Variants in THSD7B observed in about 807,000 individuals in gnomAD.
THSD7B encodes thrombospondin type 1 domain containing 7B.
In THSD7B, 138 loss-of-function variants were observed where a neutral mutation model predicts 213.6. The ratio of observed to expected loss-of-function variants is 0.65; its 90% CI spans 0.56 to 0.74. THSD7B has a LOEUF of 0.74. Ranked by LOEUF, THSD7B falls within the 30% of genes least tolerant of loss-of-function variation. THSD7B has a pLI of 0.00. For missense variants in THSD7B, 1,931 were observed against 1,991.5 expected (o/e 0.97, Z 0.58); for synonymous variants, 742 against 687.0 (o/e 1.08, Z -1.25).
intron 3 of THSD7B, among the ~76,000 whole-genome samples, chr2:137,076,234 C>T (rs561228917): frequency 1.8e-4 from 28 of 152,386 alleles, no homozygotes; most frequent in African/African-American, 6.7e-4. Flanking sequence ...GTGGGCTCCA[C>T]CCAGTTCGAG....
At chr2:137,470,897 T>G (rs572417826) in intron 15 of THSD7B, among the ~76,000 whole-genome samples, 1 of 146,010 alleles carries the variant, frequency 6.8e-6, no homozygotes, top group African/African-American at 2.5e-5. Context: ...TCCTATTTCT[T>G]TATTTTTCTT....
At chr2:137,628,643 G>A (rs181375227) in intron 20 of THSD7B, among the ~76,000 whole-genome samples, 3 of 152,302 alleles carry the variant, frequency 2.0e-5, no homozygotes, top group African/African-American at 7.2e-5. Flanking sequence ...ACTGCCATAA[G>A]CACTACAGTG....
chr2:137,162,033 G>T (rs1680028756), intron 6 of THSD7B, among the ~76,000 whole-genome samples: 1 of 152,114 alleles, frequency 6.6e-6, no homozygotes, highest in South Asian at 2.1e-4. Flanking sequence ...AAGTAGATCT[G>T]GGAGACTCTT....
intron 7 of THSD7B, among the ~76,000 whole-genome samples, chr2:137,172,666 G>T (rs1286836417): frequency 3.9e-5 from 6 of 152,118 alleles, no homozygotes; most frequent in Admixed American, 3.9e-4. Flanking sequence ...ATATGTCCTA[G>T]GAAATTATAG....
At chr2:137,331,905 C>T (rs953723571) in intron 12 of THSD7B, among the ~76,000 whole-genome samples, 7 of 152,238 alleles carry the variant, frequency 4.6e-5, no homozygotes, top group East Asian at 1.9e-4. Flanking sequence ...GCTCCAAGTG[C>T]GGGCCCGCCA....
At chr2:137,342,790 A>G (rs547343766) in intron 12 of THSD7B, among the ~76,000 whole-genome samples, 1 of 151,812 alleles carries the variant, frequency 6.6e-6, no homozygotes, top group South Asian at 2.1e-4. Flanking sequence ...AGAGATGATC[A>G]TATGGTTTTT....
chr2:137,448,065 T>C (rs867862658), intron 14 of THSD7B, among the ~76,000 whole-genome samples: 25 of 152,050 alleles, frequency 1.6e-4, no homozygotes, highest in African/African-American at 6.0e-4. Flanking sequence ...AGTTTGAAAA[T>C]AGGTGGAGGC....
At chr2:137,306,011 T>C (rs1271085096) in intron 12 of THSD7B, among the ~76,000 whole-genome samples, 1 of 152,104 alleles carries the variant, frequency 6.6e-6, no homozygotes, top group Non-Finnish European at 1.5e-5. Flanking sequence ...AGATAAAATG[T>C]GTACACCTGT....
At chr2:136,830,059 C>T (rs1682723817) in intron 1 of THSD7B, among the ~76,000 whole-genome samples, 2 of 151,892 alleles carry the variant, frequency 1.3e-5, no homozygotes, top group Admixed American at 1.3e-4. Context: ...TGTTGTTTTC[C>T]CAGCCCGTCT....
chr2:137,225,549 T>C (rs1405548338), intron 7 of THSD7B, among the ~76,000 whole-genome samples: 1 of 152,166 alleles, frequency 6.6e-6, no homozygotes, highest in Non-Finnish European at 1.5e-5. Context: ...ACACTGGCTG[T>C]GTAAGGAAAA....
chr2:137,129,636 T>G (rs1688692213), intron 5 of THSD7B, among the ~76,000 whole-genome samples: 1 of 152,042 alleles, frequency 6.6e-6, no homozygotes, highest in African/African-American at 2.4e-5. Flanking sequence ...AGATGGGATC[T>G]CTCTATGTTG....
At chr2:137,239,422 T>A (rs1396551703) in intron 9 of THSD7B, among the ~76,000 whole-genome samples, 3 of 152,136 alleles carry the variant, frequency 2.0e-5, no homozygotes, top group African/African-American at 7.2e-5. Context: ...ATTCACCCAC[T>A]TCCGTCCTCC....
At chr2:137,551,162 G>A (rs2105206454) in intron 15 of THSD7B, among the ~76,000 whole-genome samples, 1 of 152,084 alleles carries the variant, frequency 6.6e-6, no homozygotes, top group Non-Finnish European at 1.5e-5. Flanking sequence ...AGTGATCTCT[G>A]AAGGTCTGTT....
At chr2:137,436,005 T>C (rs529891377) in intron 14 of THSD7B, among the ~76,000 whole-genome samples, 11 of 152,302 alleles carry the variant, frequency 7.2e-5, no homozygotes, top group African/African-American at 2.6e-4. Flanking sequence ...CACATCCTCC[T>C]GTTATTTTTA....
At chr2:137,493,463 A>G (rs778582544) in intron 15 of THSD7B, among the ~76,000 whole-genome samples, 3 of 152,176 alleles carry the variant, frequency 2.0e-5, no homozygotes, top group African/African-American at 4.8e-5. Flanking sequence ...CCTAAGAGCC[A>G]AGTCCTGCTA....
chr2:136,975,810 A>G (rs139939892), intron 2 of THSD7B, among the ~76,000 whole-genome samples: 136 of 152,310 alleles, frequency 8.9e-4, no homozygotes, highest in Non-Finnish European at 1.5e-3. Context: ...GATTCTTCCT[A>G]TCCATGAGCA....
intron 7 of THSD7B, among the ~76,000 whole-genome samples, chr2:137,218,568 T>G (rs1215627611): frequency 6.6e-6 from 1 of 152,052 alleles, no homozygotes; most frequent in African/African-American, 2.4e-5. Context: ...TTCAGTTGCA[T>G]AAAGGCATTA....
chr2:137,193,615 T>C (rs949301395), intron 7 of THSD7B, among the ~76,000 whole-genome samples: 4 of 152,130 alleles, frequency 2.6e-5, no homozygotes, highest in African/African-American at 9.7e-5. Flanking sequence ...CAGATGCTCT[T>C]GGCAGGTCCT....
chr2:137,224,162 TAG>T (rs1353572864), intron 7 of THSD7B, among the ~76,000 whole-genome samples: 2 of 152,228 alleles, frequency 1.3e-5, no homozygotes, highest in Non-Finnish European at 2.9e-5. Context: ...TCCTAAATCA[TAG>T]AGTCTGTTTC....
Sources: gnomAD v4.1 joint callset for allele counts (sites outside exome capture counted in the v4.1 genomes callset) on GRCh38, gnomAD v4.1.1 for gene constraint, MANE v1.5 for transcripts, NCBI Gene and HGNC (gene_info 2026-07-23, HGNC 2026-07-21) for gene names.